Variants in CACNA1D observed in about 807,000 individuals in gnomAD.
CACNA1D encodes the protein voltage-dependent L-type calcium channel subunit alpha-1D.
Under a neutral mutation model 257.1 loss-of-function variants are expected in CACNA1D, and 55 were observed. The ratio of observed to expected loss-of-function variants is 0.21; its 90% CI spans 0.17 to 0.27. CACNA1D has a LOEUF of 0.27. Ranked by LOEUF, CACNA1D falls within the 10% of genes least tolerant of loss-of-function variation. The pLI, the probability that CACNA1D is intolerant of heterozygous loss-of-function variation, is 1.00. For synonymous variants in CACNA1D, 980 were observed against 1,014.9 expected (o/e 0.97, Z 0.65); for missense variants, 1,876 against 2,784.0 (o/e 0.67, Z 7.34).
intron 20 of CACNA1D, among the ~76,000 whole-genome samples, chr3:53,737,644 G>A (rs536035204): frequency 3.3e-5 from 5 of 152,282 alleles, no homozygotes; most frequent in African/African-American, 1.2e-4. Context: ...CCAACATGGC[G>A]AAACCCCATC....
intron 3 of CACNA1D, among the ~76,000 whole-genome samples, chr3:53,529,814 G>T (rs1170816575): frequency 6.6e-6 from 1 of 152,108 alleles, no homozygotes; most frequent in Non-Finnish European, 1.5e-5. Context: ...ATCACTGAGA[G>T]AATGAATTAT....
intron 8 of CACNA1D, among the ~76,000 whole-genome samples, chr3:53,692,152 G>A (rs2094534878): frequency 1.3e-5 from 2 of 151,258 alleles, no homozygotes; most frequent in South Asian, 4.2e-4. Context: ...CTAATGGCCG[G>A]GGTTTGTGAT....
chr3:53,801,175 C>T lies in CACNA1D; in HGVS notation c.5158C>T (p.Pro1720Ser), dbSNP rs1470678976. The T allele has an allele frequency of 5.0e-6, 8 of 1,613,790 alleles. No individual in the cohort carries two copies. The highest frequency in any genetic ancestry group is 1.3e-5 in the African/African-American group (1 of 74,878). Residue 1720 changes from proline (P) to serine (S), a missense_variant, in exon 42 of 48, where the codon CCT (proline) becomes TCT (serine). Pro to Ser is a moderately conservative substitution (Grantham distance 74). Coordinates refer to ENST00000350061, the MANE Select transcript of CACNA1D (RefSeq NM_001128840.3). The stretch of plus-strand genomic sequence containing the variant: ...GCATGTCCAAAGGCCTTCAATTCCA[C>T]CTGCAAGTGATACTGAGAAACCGCT... ...PLHVQRPSIPPASDTEKPLFP... is the reference protein window; with the variant it reads ...PLHVQRPSIPSASDTEKPLFP...
intron 21 of CACNA1D, 32 bp downstream of exon 21, chr3:53,740,371 C>G (rs1351550547): frequency 7.1e-7 from 1 of 1,413,346 alleles, no homozygotes; most frequent in Non-Finnish European, 1.0e-6. Context: ...TCACATACTC[C>G]ACAGCAGCTG....
chr3:53,781,228 A>G (rs1274774944), intron 38 of CACNA1D, among the ~76,000 whole-genome samples: 1 of 152,214 alleles, frequency 6.6e-6, no homozygotes, highest in Non-Finnish European at 1.5e-5. Flanking sequence ...ATGAAAGAGC[A>G]GAAGGCAAAG....
chr3:53,710,254 TA>T (rs1191248348), intron 9 of CACNA1D: 1 of 384,310 alleles, frequency 2.6e-6, no homozygotes, highest in Non-Finnish European at 5.2e-6. Context: ...GCTGGATTCC[TA>T]GCAGGAGGGG....
chr3:53,565,078 T>C lies in CACNA1D; in HGVS notation c.483+63358T>C, dbSNP rs1032425807. Among the ~76,000 whole-genome samples, 89 of 152,224 alleles carry C rather than the reference T, an allele frequency of 5.8e-4. 1 individual carries two copies. The highest frequency in any genetic ancestry group is 4.6e-4 in the Admixed American group (7 of 15,286). ...GCACAGATTACTTAAAGTCTAACCC[T>C]TTCCCCACCTCTATAATACATGCCT... is the stretch of plus-strand genomic sequence containing the variant. On this transcript the variant is annotated intron_variant, in intron 3 of 47. Transcript: ENST00000350061.
chr3:53,709,422 G>A (rs747737616), intron 9 of CACNA1D, among the ~76,000 whole-genome samples: 42 of 152,326 alleles, frequency 2.8e-4, no homozygotes, highest in Admixed American at 8.5e-4. Context: ...ATTAACCCCT[G>A]CAAACACATG....
intron 3 of CACNA1D, among the ~76,000 whole-genome samples, chr3:53,620,438 A>C (rs1310146845): frequency 6.6e-6 from 1 of 152,166 alleles, no homozygotes; most frequent in Non-Finnish European, 1.5e-5. Flanking sequence ...CTACAGGCAC[A>C]CCAACACACC....
intron 9 of CACNA1D, among the ~76,000 whole-genome samples, chr3:53,718,065 G>A (rs2094838636): frequency 6.6e-6 from 1 of 152,194 alleles, no homozygotes; most frequent in Non-Finnish European, 1.5e-5. Flanking sequence ...TAGGGGGATA[G>A]AATGTCCTCC....
intron 3 of CACNA1D, among the ~76,000 whole-genome samples, chr3:53,546,509 C>T (rs780310526): frequency 2.6e-5 from 4 of 152,168 alleles, no homozygotes; most frequent in Non-Finnish European, 5.9e-5. Context: ...TGGTGACCAA[C>T]TGGTCACAAC....
intron 30 of CACNA1D, among the ~76,000 whole-genome samples, chr3:53,767,056 A>T (rs539885303): frequency 6.6e-6 from 1 of 152,174 alleles, no homozygotes; most frequent in South Asian, 2.1e-4. Flanking sequence ...TCATCCGTGT[A>T]CTGTTCCCTC....
At chr3:53,708,976 G>GC (rs1392319577) in intron 9 of CACNA1D, among the ~76,000 whole-genome samples, 1 of 152,076 alleles carries the variant, frequency 6.6e-6, no homozygotes, top group Admixed American at 6.6e-5. Context: ...TCAATAAATT[G>GC]CCATTATAAA....
chr3:53,626,431 A>G (rs889265006), intron 3 of CACNA1D, among the ~76,000 whole-genome samples: 3 of 152,234 alleles, frequency 2.0e-5, no homozygotes, highest in Non-Finnish European at 2.9e-5. Context: ...TGCCGTGTGC[A>G]TTGGCACACA....
chr3:53,770,580 T>C (rs764561496), intron 32 of CACNA1D, 28 bp downstream of exon 32: 23 of 1,610,946 alleles, frequency 1.4e-5, no homozygotes, highest in Non-Finnish European at 1.8e-5. Flanking sequence ...GACTTCTCTC[T>C]TTGTCTTTGA....
At chr3:53,715,330 T>C (rs2094807006) in intron 9 of CACNA1D, among the ~76,000 whole-genome samples, 1 of 152,158 alleles carries the variant, frequency 6.6e-6, no homozygotes, top group Non-Finnish European at 1.5e-5. Context: ...CAAACAACTA[T>C]GACAGGAGAA....
chr3:53,747,572 C>G, intron 26 of CACNA1D, 124 bp downstream of exon 26: 1 of 961,448 alleles, frequency 1.0e-6, no homozygotes. Context: ...GGCTTTTTAA[C>G]CTTGGGCCAC....
chr3:53,660,312 T>C (rs2094190945), intron 5 of CACNA1D, 37 bp downstream of exon 5: 1 of 1,609,308 alleles, frequency 6.2e-7, no homozygotes, highest in Non-Finnish European at 8.5e-7. Context: ...AGGAGTGTGC[T>C]GGTTTTTTCT....
At chr3:53,566,243 G>A (rs7612148) in intron 3 of CACNA1D, among the ~76,000 whole-genome samples, 1 of 151,904 alleles carries the variant, frequency 6.6e-6, no homozygotes, top group African/African-American at 2.4e-5. Context: ...AGTGCCTGCT[G>A]CCCCTTCACC....
Sources: allele counts gnomAD v4.1 joint callset (sites outside exome capture counted in the v4.1 genomes callset), GRCh38; gene constraint gnomAD v4.1.1; transcripts MANE v1.5; gene names NCBI Gene and HGNC (gene_info 2026-07-23, HGNC 2026-07-21).